The following AGMO variants were observed in gnomAD, a reference collection of about 807,000 sequenced individuals.
AGMO encodes alkylglycerol monooxygenase.
In AGMO, 75 loss-of-function variants were observed where a neutral mutation model predicts 60.2. The ratio of observed to expected loss-of-function variants is 1.25; its 90% confidence interval spans 1.03 to 1.51. The LOEUF (loss-of-function observed/expected upper bound fraction) is 1.51, where lower values mean the gene tolerates loss of function less well. Ranked by LOEUF, AGMO falls within the 40% of genes most tolerant of loss-of-function variation. The pLI is 0.00. For synonymous variants in AGMO, 261 were observed against 177.1 expected, an observed-to-expected ratio of 1.47 and a Z score of -3.76; for missense variants, 763 against 525.5, an observed-to-expected ratio of 1.45 and a Z score of -4.42.
chr7:15,337,938 C>G (rs929909014), intron 12 of AGMO, among the ~76,000 whole-genome samples: 1 of 152,138 alleles, frequency 6.6e-6, no homozygotes, highest in East Asian at 1.9e-4. Flanking sequence ...ATGAAAATCT[C>G]CAAGGCAAAC....
the AGMO span, among the ~76,000 whole-genome samples, chr7:15,133,461 C>T: frequency 6.6e-6 from 1 of 151,512 alleles, no homozygotes; most frequent in East Asian, 2.0e-4. Flanking sequence ...GGAGGGAAGA[C>T]AACAGGGAAG....
In AGMO at chr7:15,499,469, G is replaced by C. The variant is rs116833118; in HGVS notation, c.409+45303C>G. Among the ~76,000 whole-genome samples, 1,359 of 151,858 alleles carry C rather than the reference G, an allele frequency of 8.9e-3. 16 individuals are homozygous for C. The highest frequency in any genetic ancestry group is 0.03 in the African/African-American group (1,248 of 41,488). On this transcript the variant is annotated intron_variant, in intron 3 of 12. Transcript: ENST00000342526. ...TTAAAATTTTTTACCTATCAGGCTG[G>C]CAAATATCTAAAAGCTCAACAATAC...
intron 12 of AGMO, among the ~76,000 whole-genome samples, chr7:15,355,246 T>C (rs902246013): frequency 2.0e-5 from 3 of 152,086 alleles, no homozygotes; most frequent in Non-Finnish European, 4.4e-5. Context: ...CTCACGTCTA[T>C]AATTCCAGCA....
intron 10 of AGMO, among the ~76,000 whole-genome samples, chr7:15,383,845 A>G (rs376592879): frequency 4.6e-5 from 7 of 151,934 alleles, no homozygotes; most frequent in African/African-American, 7.3e-5. Flanking sequence ...AGAGTTCTTC[A>G]TATCTGAAGA....
At chr7:15,216,549 T>G (rs1781743588) in intron 12 of AGMO, among the ~76,000 whole-genome samples, 1 of 152,080 alleles carries the variant, frequency 6.6e-6, no homozygotes, top group South Asian at 2.1e-4. Flanking sequence ...ATAGGCATCA[T>G]TCATTTGTAG....
At chr7:15,340,987 C>T (rs1242796774) in intron 12 of AGMO, among the ~76,000 whole-genome samples, 1 of 152,128 alleles carries the variant, frequency 6.6e-6, no homozygotes, top group Non-Finnish European at 1.5e-5. Context: ...GGGTGCTGTA[C>T]CCTGTAAAAC....
At chr7:15,439,124 C>T (rs1781481068) in intron 3 of AGMO, among the ~76,000 whole-genome samples, 1 of 152,146 alleles carries the variant, frequency 6.6e-6, no homozygotes, top group Admixed American at 6.5e-5. Context: ...CATGACCGGG[C>T]ACAGTGGCTC....
chr7:15,415,671 G>A (rs1169779204), intron 5 of AGMO, among the ~76,000 whole-genome samples: 1 of 152,094 alleles, frequency 6.6e-6, no homozygotes, highest in Non-Finnish European at 1.5e-5. Context: ...ATAAATTTAA[G>A]ATAAAACAAA....
intron 2 of AGMO, among the ~76,000 whole-genome samples, chr7:15,552,384 A>G (rs1006571150): frequency 4.6e-5 from 7 of 152,198 alleles, no homozygotes; most frequent in African/African-American, 1.7e-4. Flanking sequence ...TGAACAGGCA[A>G]CCTACAAAAT....
intron 12 of AGMO, among the ~76,000 whole-genome samples, chr7:15,322,378 A>AT (rs1205209820): frequency 2.1e-5 from 3 of 141,870 alleles, no homozygotes; most frequent in African/African-American, 7.7e-5. Context: ...GTTGAAAAGA[A>AT]TAAAATAAGT....
intron 4 of AGMO, among the ~76,000 whole-genome samples, chr7:15,419,544 T>A (rs1021206132): frequency 2.0e-5 from 3 of 152,062 alleles, no homozygotes; most frequent in African/African-American, 7.2e-5. Context: ...TTAAAGTTAT[T>A]TTATGACATG....
chr7:15,259,609 G>A (rs997143410), intron 12 of AGMO, among the ~76,000 whole-genome samples: 1 of 152,036 alleles, frequency 6.6e-6, no homozygotes, highest in African/African-American at 2.4e-5. Context: ...ATAGTCATCA[G>A]GTTATCTAAA....
intron 3 of AGMO, among the ~76,000 whole-genome samples, chr7:15,433,521 A>G (rs1370298662): frequency 1.3e-5 from 2 of 152,152 alleles, no homozygotes; most frequent in Non-Finnish European, 2.9e-5. Flanking sequence ...GATTATGAAA[A>G]TGCATTTTAT....
the AGMO span, among the ~76,000 whole-genome samples, chr7:15,145,119 C>T: frequency 1.3e-5 from 2 of 152,186 alleles, no homozygotes; most frequent in Non-Finnish European, 2.9e-5. Context: ...TGAGCCGCTG[C>T]GCCCGGCCGG....
chr7:15,555,209 A>T lies in AGMO; in HGVS notation c.257+4932T>A, dbSNP rs572402356. On this transcript the variant is annotated intron_variant, in intron 2 of 12. Coordinates refer to ENST00000342526, the MANE Select transcript of AGMO (RefSeq NM_001004320.2). ...GCCAGAAAATAAATCAATATTTAAA[A>T]AAGATTATTACAAATATTCTTAAAA... is the stretch of plus-strand genomic sequence containing the variant. Among the ~76,000 whole-genome samples the T allele has an allele frequency of 8.6e-5, 13 of 150,922 alleles. No individual in the cohort carries two copies. The South Asian group carries it at 2.7e-3, about 32-fold the overall frequency.
At chr7:15,329,052 C>T (rs1487150776) in intron 12 of AGMO, among the ~76,000 whole-genome samples, 1 of 152,124 alleles carries the variant, frequency 6.6e-6, no homozygotes, top group Non-Finnish European at 1.5e-5. Context: ...ACTATCCTTC[C>T]TCCCCTGCAC....
At chr7:15,167,448 G>A in the AGMO span, among the ~76,000 whole-genome samples, 2 of 152,162 alleles carry the variant, frequency 1.3e-5, no homozygotes, top group Non-Finnish European at 1.5e-5. Flanking sequence ...TTCTGCAAGA[G>A]ACGCTAAAGA....
intron 12 of AGMO, among the ~76,000 whole-genome samples, chr7:15,320,540 G>T (rs1237311146): frequency 6.6e-6 from 1 of 152,050 alleles, no homozygotes; most frequent in African/African-American, 2.4e-5. Flanking sequence ...TGCATTAAAA[G>T]ATTCACATGG....
At chr7:15,514,145 G>A (rs1321293630) in intron 3 of AGMO, among the ~76,000 whole-genome samples, 2 of 152,050 alleles carry the variant, frequency 1.3e-5, no homozygotes, top group African/African-American at 4.8e-5. Context: ...TCCACTTGGA[G>A]GTCTGATACC....
Sources: allele counts gnomAD v4.1 joint callset (sites outside exome capture counted in the v4.1 genomes callset), GRCh38; gene constraint gnomAD v4.1.1; transcripts MANE v1.5; gene names NCBI Gene and HGNC (gene_info 2026-07-23, HGNC 2026-07-21).